The following PRUNE2 variants were observed in gnomAD, a reference collection of about 807,000 sequenced individuals.
PRUNE2 encodes the protein prune homolog 2 with BCH domain.
Under a neutral mutation model 252.0 loss-of-function variants are expected in PRUNE2, and 164 were observed. The observed-to-expected ratio is 0.65, with a 90% CI of 0.57 to 0.74. The LOEUF (loss-of-function observed/expected upper bound fraction) is 0.74. Among genes scored for constraint, PRUNE2 ranks in the 30% least tolerant of loss-of-function variants. PRUNE2 has a pLI of 0.00. For missense variants in PRUNE2, 3,495 were observed against 3,711.0 expected (o/e 0.94, Z 1.51); for synonymous variants, 1,292 against 1,350.2 (o/e 0.96, Z 0.94).
At position 76,663,774 on chromosome 9, in the gene PRUNE2, C is replaced by T. The variant is rs554788139; in HGVS notation, c.8277-8272G>A. Among the ~76,000 whole-genome samples, 24 of 152,254 alleles carry T rather than the reference C, an allele frequency of 1.6e-4. 1 individual carries two copies. The South Asian group carries it at 4.4e-3, about 28-fold the overall frequency. On this transcript the variant is annotated intron_variant, in intron 9 of 18. Coordinates refer to ENST00000376718, the MANE Select transcript of PRUNE2 (RefSeq NM_015225.3). Reference sequence around the variant, plus strand: ...ATGATGGATGCATGGAGAATTCTACCTCTTGCCTGCAGGCTATTTGCTAGC... The same window carrying T: ...ATGATGGATGCATGGAGAATTCTACTTCTTGCCTGCAGGCTATTTGCTAGC...
chr9:76,872,600 AAC>A (rs71354690), intron 1 of PRUNE2, among the ~76,000 whole-genome samples: 13,234 of 139,110 alleles, frequency 0.095, 553 homozygotes, highest in Non-Finnish European at 0.11. Context: ...GATTATGGAA[AAC>A]ACACACACAC....
chr9:76,787,798 G>A (rs992849104), intron 6 of PRUNE2, among the ~76,000 whole-genome samples: 4 of 152,120 alleles, frequency 2.6e-5, no homozygotes, highest in African/African-American at 7.2e-5. Flanking sequence ...CTCCAATCCC[G>A]CCTCCCACTG....
At chr9:76,702,889 AAATTAT>A (rs1360214488) in intron 9 of PRUNE2, among the ~76,000 whole-genome samples, 8 of 152,172 alleles carry the variant, frequency 5.3e-5, no homozygotes, top group Non-Finnish European at 1.2e-4. Context: ...AATTCTAGGC[AAATTAT>A]AGAAAATTTC....
At chr9:76,737,156 T>C (rs548535505) in intron 6 of PRUNE2, 32 of 152,338 alleles carry the variant, frequency 2.1e-4, no homozygotes, top group Admixed American at 1.7e-3. Flanking sequence ...CCTTGCTGTA[T>C]AGAAAGCACA....
chr9:76,826,058 A>G (rs536863909), intron 5 of PRUNE2, among the ~76,000 whole-genome samples: 1 of 152,358 alleles, frequency 6.6e-6, no homozygotes, highest in Non-Finnish European at 1.5e-5. Context: ...CCACACATCC[A>G]GACACAAAGG....
intron 6 of PRUNE2, among the ~76,000 whole-genome samples, chr9:76,750,314 T>C (rs919230110): frequency 5.3e-5 from 8 of 152,082 alleles, no homozygotes; most frequent in African/African-American, 1.7e-4. Flanking sequence ...GTGATTGGCA[T>C]GGAAGTTGGG....
chr9:76,668,836 TCG>T (rs2040733691), intron 9 of PRUNE2, among the ~76,000 whole-genome samples: 1 of 150,888 alleles, frequency 6.6e-6, no homozygotes, highest in East Asian at 2.0e-4. Flanking sequence ...TAGCAAAGTA[TCG>T]CACACAGTAA....
intron 6 of PRUNE2, among the ~76,000 whole-genome samples, chr9:76,741,747 A>C (rs1242444447): frequency 6.6e-6 from 1 of 152,186 alleles, no homozygotes; most frequent in African/African-American, 2.4e-5. Flanking sequence ...TAAAATCTCC[A>C]GCAAGCCTTT....
intron 6 of PRUNE2, among the ~76,000 whole-genome samples, chr9:76,801,595 G>C (rs999152508): frequency 6.6e-6 from 1 of 151,812 alleles, no homozygotes; most frequent in Non-Finnish European, 1.5e-5. Context: ...ATCTTACCAG[G>C]TTATAATTTA....
intron 6 of PRUNE2, among the ~76,000 whole-genome samples, chr9:76,798,770 G>A (rs1222454207): frequency 6.6e-6 from 1 of 152,122 alleles, no homozygotes; most frequent in Admixed American, 6.5e-5. Flanking sequence ...CACACAACCA[G>A]GCTGCAGATC....
intron 11 of PRUNE2, among the ~76,000 whole-genome samples, chr9:76,645,837 T>C (rs1485585313): frequency 6.6e-6 from 1 of 152,210 alleles, no homozygotes; most frequent in East Asian, 1.9e-4. Context: ...AAAAGCACCA[T>C]TGAATTTACA....
intron 1 of PRUNE2, among the ~76,000 whole-genome samples, chr9:76,865,799 C>G (rs558087822): frequency 7.0e-6 from 1 of 141,912 alleles, no homozygotes; most frequent in East Asian, 2.2e-4. Context: ...TTCTCCCTCT[C>G]TCTCCCTACA....
chr9:76,728,704 TA>T (rs2048325325), intron 6 of PRUNE2, among the ~76,000 whole-genome samples: 1 of 152,190 alleles, frequency 6.6e-6, no homozygotes, highest in South Asian at 2.1e-4. Context: ...ATGTAGTGCT[TA>T]AAAGAATAGG....
chr9:76,698,413 T>A (rs961125327), intron 9 of PRUNE2, among the ~76,000 whole-genome samples: 5 of 152,078 alleles, frequency 3.3e-5, no homozygotes, highest in Non-Finnish European at 5.9e-5. Flanking sequence ...TCAAATATAA[T>A]TACAAAAATA....
chr9:76,906,002 G>T lies in PRUNE2; in HGVS notation c.-39C>A. ...GTTTGGAACCCGGGTACTCGGAGGG[G>T]CGCAGTGGAAAATCTCGGCCCAAGG... On this transcript the variant is annotated 5_prime_UTR_variant, in exon 1 of 19. Transcript: ENST00000376718. 1 of 1,611,052 alleles carries T rather than the reference G, an allele frequency of 6.2e-7. No homozygotes were observed. The highest frequency in any genetic ancestry group is 8.5e-7 in the Non-Finnish European group (1 of 1,177,294).
intron 17 of PRUNE2, 101 bp downstream of exon 17, chr9:76,624,351 C>G (rs953439363): frequency 1.5e-5 from 10 of 675,436 alleles, no homozygotes; most frequent in African/African-American, 1.1e-4. Context: ...GCATTATTAT[C>G]AGGAAGCAGG....
At position 76,707,386 on chromosome 9, in the gene PRUNE2, C is replaced by T. The variant is rs759171957; in HGVS notation, c.4888G>A (p.Asp1630Asn). 24 of 1,613,748 alleles carry T rather than the reference C, an allele frequency of 1.5e-5. No individual in the cohort carries two copies. Among genetic ancestry groups the T allele is most frequent in the Non-Finnish European group, 2.0e-5 (24 of 1,179,764 alleles). Residue 1630 changes from aspartate (D) to asparagine (N), a missense_variant, in exon 8 of 19, where the codon GAT becomes AAT. By Grantham distance (23) the Asp-to-Asn change is conservative. Coordinates refer to ENST00000376718, the MANE Select transcript of PRUNE2 (RefSeq NM_015225.3). Reference protein sequence around the residue: ...TFLEIWNDSVDGDSFSSLSSP... With the variant: ...TFLEIWNDSVNGDSFSSLSSP... ...GATAAAGAGGAAAAGGAATCACCAT[C>T]AACTGAGTCATTCCAGATCTCTAAA...
intron 4 of PRUNE2, among the ~76,000 whole-genome samples, chr9:76,843,760 C>A (rs909117770): frequency 4.1e-5 from 6 of 147,802 alleles, no homozygotes; most frequent in Non-Finnish European, 8.9e-5. Flanking sequence ...TGGAGTTTCA[C>A]CCTTGTGCCT....
At chr9:76,790,612 A>G (rs1163231939) in intron 6 of PRUNE2, among the ~76,000 whole-genome samples, 1 of 152,198 alleles carries the variant, frequency 6.6e-6, no homozygotes, top group African/African-American at 2.4e-5. Flanking sequence ...CGGTGCAGGA[A>G]AAGCAAAGGA....
Sources: allele counts gnomAD v4.1 joint callset (sites outside exome capture counted in the v4.1 genomes callset), GRCh38; gene constraint gnomAD v4.1.1; transcripts MANE v1.5; gene names NCBI Gene and HGNC (gene_info 2026-07-23, HGNC 2026-07-21).